The following GRM7 variants were observed in gnomAD, a reference collection of about 807,000 sequenced individuals.
GRM7 encodes metabotropic glutamate receptor 7.
In GRM7, 35 loss-of-function variants were observed where a neutral mutation model predicts 84.5. The ratio of observed to expected loss-of-function variants is 0.41; its 90% CI spans 0.32 to 0.55. The LOEUF (loss-of-function observed/expected upper bound fraction) is 0.55, where lower values mean the gene tolerates loss of function less well. Ranked by LOEUF, GRM7 falls within the 20% of genes least tolerant of loss-of-function variation. GRM7 has a pLI of 0.19. For synonymous variants in GRM7, 487 were observed against 455.1 expected, an observed-to-expected ratio of 1.07 and a Z score of -0.89; for missense variants, 1,003 against 1,194.6, an observed-to-expected ratio of 0.84 and a Z score of 2.36.
chr3:7,099,465 A>G (rs898073972), intron 1 of GRM7, among the ~76,000 whole-genome samples: 3 of 147,770 alleles, frequency 2.0e-5, no homozygotes, highest in Non-Finnish European at 4.5e-5. Flanking sequence ...ACATACAAAT[A>G]CATATACACA....
chr3:7,035,882 C>T (rs1696370149), intron 1 of GRM7, among the ~76,000 whole-genome samples: 1 of 152,210 alleles, frequency 6.6e-6, no homozygotes. Context: ...GTGGCTTAAA[C>T]TTAAATTGGT....
intron 1 of GRM7, among the ~76,000 whole-genome samples, chr3:7,112,741 C>T (rs561592119): frequency 1.2e-4 from 18 of 152,202 alleles, no homozygotes; most frequent in Admixed American, 4.6e-4. Context: ...TGTATTGATG[C>T]CATGTGCCAA....
intron 1 of GRM7, among the ~76,000 whole-genome samples, chr3:7,043,440 G>T (rs1405012097): frequency 6.6e-6 from 1 of 152,138 alleles, no homozygotes; most frequent in African/African-American, 2.4e-5. Flanking sequence ...CAAACTGGGG[G>T]CAACCATAAG....
At position 7,226,580 on chromosome 3, in the gene GRM7, G is replaced by C. The variant is rs571474739; in HGVS notation, c.737-72104G>C. Among the ~76,000 whole-genome samples the C allele has an allele frequency of 4.6e-5, 7 of 152,284 alleles. No individual in the cohort carries two copies. In the South Asian group the frequency reaches 8.3e-4, roughly 18 times the overall value. On this transcript the variant is annotated intron_variant, in intron 2 of 9. Coordinates refer to ENST00000357716, the MANE Select transcript of GRM7 (RefSeq NM_000844.4). The stretch of plus-strand genomic sequence containing the variant: ...TAACTTTGCCACATTCTATTGGTTA[G>C]AAGCAAGTCACATGATCTACCTGCA...
chr3:7,138,282 G>C (rs1259218302), intron 1 of GRM7, among the ~76,000 whole-genome samples: 1 of 151,956 alleles, frequency 6.6e-6, no homozygotes, highest in Non-Finnish European at 1.5e-5. Flanking sequence ...AACTGTAGGT[G>C]ACAATATGCC....
At chr3:7,196,889 C>T (rs1462013970) in intron 2 of GRM7, among the ~76,000 whole-genome samples, 1 of 152,072 alleles carries the variant, frequency 6.6e-6, no homozygotes, top group Admixed American at 6.6e-5. Context: ...ATGAAAGTTA[C>T]CCAGTGAATA....
chr3:7,069,782 A>G (rs1383998477), intron 1 of GRM7, among the ~76,000 whole-genome samples: 3 of 152,218 alleles, frequency 2.0e-5, no homozygotes, highest in Admixed American at 6.6e-5. Context: ...AAATACTTTT[A>G]TAGATCTGTG....
chr3:6,910,335 G>A (rs773180876), intron 1 of GRM7, among the ~76,000 whole-genome samples: 1 of 152,054 alleles, frequency 6.6e-6, no homozygotes, highest in Admixed American at 6.6e-5. Flanking sequence ...ATTTCACATG[G>A]TGGAGGCAAA....
At chr3:6,974,441 G>C (rs577848485) in intron 1 of GRM7, among the ~76,000 whole-genome samples, 1 of 152,300 alleles carries the variant, frequency 6.6e-6, no homozygotes, top group African/African-American at 2.4e-5. Flanking sequence ...TTGAGATGTT[G>C]TTGAGATTAT....
chr3:7,057,416 C>T (rs529038533), intron 1 of GRM7, among the ~76,000 whole-genome samples: 18 of 151,826 alleles, frequency 1.2e-4, no homozygotes, highest in African/African-American at 4.1e-4. Flanking sequence ...AAATATGAGA[C>T]GTTTCAATTT....
chr3:7,039,058 A>T (rs1264321930), intron 1 of GRM7, among the ~76,000 whole-genome samples: 1 of 152,200 alleles, frequency 6.6e-6, no homozygotes, highest in African/African-American at 2.4e-5. Flanking sequence ...ATCCTGATGC[A>T]TGGTCAAGTT....
chr3:6,999,757 ATC>A (rs1287037936), intron 1 of GRM7, among the ~76,000 whole-genome samples: 1 of 152,104 alleles, frequency 6.6e-6, no homozygotes, highest in Non-Finnish European at 1.5e-5. Flanking sequence ...AAACCACCAG[ATC>A]TCATGAGAAC....
At chr3:7,648,800 G>A (rs1426772317) in intron 8 of GRM7, among the ~76,000 whole-genome samples, 4 of 152,172 alleles carry the variant, frequency 2.6e-5, no homozygotes, top group Non-Finnish European at 4.4e-5. Context: ...TGACAGCCAC[G>A]GTAAGACTAC....
chr3:6,956,600 A>G (rs1381266762), intron 1 of GRM7: 5 of 456,480 alleles, frequency 1.1e-5, no homozygotes, highest in East Asian at 1.4e-4. Flanking sequence ...CAGTTTCCCA[A>G]TCCTAAACGT....
intron 2 of GRM7, among the ~76,000 whole-genome samples, chr3:7,219,482 A>C (rs1696727231): frequency 6.6e-6 from 1 of 152,150 alleles, no homozygotes; most frequent in South Asian, 2.1e-4. Flanking sequence ...TGTTGAGTGT[A>C]CTCTTTGTTT....
intron 7 of GRM7, among the ~76,000 whole-genome samples, chr3:7,463,822 A>G (rs1311428490): frequency 6.6e-6 from 1 of 152,190 alleles, no homozygotes; most frequent in Non-Finnish European, 1.5e-5. Flanking sequence ...GTATGTCATG[A>G]TACATTTTAA....
At chr3:7,117,014 A>T (rs1172677222) in intron 1 of GRM7, among the ~76,000 whole-genome samples, 1 of 152,162 alleles carries the variant, frequency 6.6e-6, no homozygotes, top group Non-Finnish European at 1.5e-5. Flanking sequence ...TTTAAAGGTG[A>T]AAGTGTATGA....
At chr3:7,672,991 A>T (rs2125133910) in intron 8 of GRM7, among the ~76,000 whole-genome samples, 1 of 152,312 alleles carries the variant, frequency 6.6e-6, no homozygotes, top group Non-Finnish European at 1.5e-5. Flanking sequence ...GAAGAAAATC[A>T]TTTTAAAATG....
At chr3:7,262,897 C>G (rs1408124007) in intron 2 of GRM7, among the ~76,000 whole-genome samples, 3 of 151,172 alleles carry the variant, frequency 2.0e-5, no homozygotes, top group Non-Finnish European at 4.4e-5. Context: ...GGGATTTCAC[C>G]ATGTTGGCCA....
Sources: gnomAD v4.1 joint callset for allele counts (sites outside exome capture counted in the v4.1 genomes callset) on GRCh38, gnomAD v4.1.1 for gene constraint, MANE v1.5 for transcripts, NCBI Gene and HGNC (gene_info 2026-07-23, HGNC 2026-07-21) for gene names.